The following CENPE variants were observed in gnomAD, a reference collection of about 807,000 sequenced individuals.
CENPE encodes the protein centromere protein E.
CENPE carries 145 observed loss-of-function variants against 336.1 expected under a neutral mutation model. The observed-to-expected ratio is 0.43, with a 90% CI of 0.38 to 0.50. CENPE has a LOEUF of 0.50. CENPE is among the 20% of genes least tolerant of loss of function. The pLI, the probability that CENPE is intolerant of heterozygous loss-of-function variation, is 0.00. For missense variants in CENPE, 2,719 were observed against 3,023.3 expected (o/e 0.90, Z 2.36); for synonymous variants, 1,013 against 984.8 (o/e 1.03, Z -0.54).
At chr4:103,186,109 T>C (rs1302692315) in intron 8 of CENPE, among the ~76,000 whole-genome samples, 1 of 152,176 alleles carries the variant, frequency 6.6e-6, no homozygotes, top group African/African-American at 2.4e-5. Flanking sequence ...AAAAACTTAC[T>C]ATGGCAAATA....
intron 2 of CENPE, 133 bp from the exon 3 acceptor site, chr4:103,196,385 G>C: frequency 1.4e-6 from 1 of 732,028 alleles, no homozygotes; most frequent in Non-Finnish European, 2.2e-6. Context: ...TTAAGACACA[G>C]TATTTTTTTC....
intron 41 of CENPE, 89 bp from the exon 42 acceptor site, chr4:103,132,985 A>ATATATATATATATATATATAG (rs1560610336): frequency 9.4e-6 from 1 of 105,936 alleles, no homozygotes; most frequent in Admixed American, 1.2e-4. Context: ...TATATATATA[A>ATATATATATATATATATATAG]AATAAAAAGA....
intron 24 of CENPE, among the ~76,000 whole-genome samples, chr4:103,154,043 GGAGACAGA>G (rs1753771788): frequency 6.6e-6 from 1 of 152,016 alleles, no homozygotes; most frequent in African/African-American, 2.4e-5. Flanking sequence ...ATTGGTAAAG[GGAGACAGA>G]GACTGAAATT....
intron 34 of CENPE, among the ~76,000 whole-genome samples, chr4:103,142,825 C>T (rs192910935): frequency 5.5e-4 from 83 of 151,808 alleles, no homozygotes; most frequent in African/African-American, 1.8e-3. Context: ...CTGGTCAACA[C>T]GGTGAAACCT....
At chr4:103,120,026 G>T (rs1427494264) in intron 44 of CENPE, 122 bp downstream of exon 44, 1 of 655,690 alleles carries the variant, frequency 1.5e-6, no homozygotes, top group Non-Finnish European at 2.5e-6. Flanking sequence ...CTGAACTTCA[G>T]AAACACATAG....
At chr4:103,109,146 T>C in intron 47 of CENPE, 57 bp from the exon 48 acceptor site, 2 of 1,306,980 alleles carry the variant, frequency 1.5e-6, no homozygotes, top group Admixed American at 2.5e-5. Context: ...TTAAGATGTA[T>C]TCACATTTAT....
In CENPE at chr4:103,139,735, A is replaced by G. The variant is rs1185984982; in HGVS notation, c.6204+54T>C. ...AATAAAAACATTGTAATTCTTTTCA[A>G]AAAAGCTTAATTCTTATTAATAGTT... On this transcript the variant is annotated intron_variant, in intron 38 of 48. Coordinates refer to ENST00000265148, the MANE Select transcript of CENPE (RefSeq NM_001813.3). The G allele has an allele frequency of 2.4e-5, 34 of 1,446,692 alleles. No individual in the cohort carries two copies. The East Asian group carries it at 6.7e-4, about 28-fold the overall frequency. 89.6% of individuals were successfully genotyped at this position (1,446,692 alleles called of 1,614,324 possible). A position where few individuals can be genotyped will look rare whatever the true frequency, so the allele number is the denominator to read the frequency against.
chr4:103,145,417 G>T (rs1001197837), intron 31 of CENPE, 83 bp from the exon 32 acceptor site: 30 of 1,375,428 alleles, frequency 2.2e-5, no homozygotes, highest in Non-Finnish European at 2.8e-5. Flanking sequence ...AGAGGAAAAG[G>T]TTGCTTCCCA....
At position 103,160,789 on chromosome 4, in the gene CENPE, T is replaced by C. The variant is rs770058478; in HGVS notation, c.2132-10A>G. The stretch of plus-strand genomic sequence containing the variant: ...AAATTACAGAGCAAATCTAGAAAGT[T>C]TTGGTAAATTGTATAAAGATCCAAT... On this transcript the variant is annotated splice_polypyrimidine_tract_variant and intron_variant, in intron 20 of 48. Transcript: ENST00000265148. 1.3e-6 allele frequency: 2 copies of C among 1,576,226 alleles called. No homozygotes were observed. Among genetic ancestry groups the C allele is most frequent in the Non-Finnish European group, 1.7e-6 (2 of 1,163,684 alleles).
intron 46 of CENPE, among the ~76,000 whole-genome samples, chr4:103,114,234 C>G (rs556593525): frequency 6.6e-6 from 1 of 152,140 alleles, no homozygotes; most frequent in Admixed American, 6.6e-5. Context: ...AAGCAGAGTT[C>G]GTATTTTTCA....
At chr4:103,144,952 A>T in intron 32 of CENPE, 98 bp downstream of exon 32, 1 of 1,150,222 alleles carries the variant, frequency 8.7e-7, no homozygotes. Flanking sequence ...TCCCTTTATG[A>T]TTAGAGGAAA....
chr4:103,138,560 T>C (rs1752272053), intron 38 of CENPE, 111 bp from the exon 39 acceptor site: 1 of 730,934 alleles, frequency 1.4e-6, no homozygotes, highest in African/African-American at 1.8e-5. Flanking sequence ...GAATTAAATA[T>C]TATACTTGTC....
chr4:103,164,625 T>C (rs1447963312), intron 16 of CENPE, among the ~76,000 whole-genome samples: 1 of 152,146 alleles, frequency 6.6e-6, no homozygotes, highest in African/African-American at 2.4e-5. Context: ...ATATCAAAAA[T>C]ATTTCTTCCA....
At chr4:103,132,416 A>C (rs535354147) in intron 42 of CENPE, among the ~76,000 whole-genome samples, 1 of 152,328 alleles carries the variant, frequency 6.6e-6, no homozygotes, top group South Asian at 2.1e-4. Context: ...GTTCTTACAG[A>C]AGCAGTGAGA....
intron 18 of CENPE, among the ~76,000 whole-genome samples, chr4:103,161,905 A>C (rs1402326098): frequency 3.3e-5 from 5 of 152,142 alleles, no homozygotes; most frequent in Admixed American, 3.3e-4. Flanking sequence ...AGAAACTTAC[A>C]GATGAGAAAA....
intron 16 of CENPE, 53 bp downstream of exon 16, chr4:103,174,683 A>G (rs1755704465): frequency 8.1e-7 from 1 of 1,241,926 alleles, no homozygotes; most frequent in African/African-American, 1.6e-5. Flanking sequence ...AAAAGAGAAT[A>G]CTTCTTTTAA....
rs1416785589 is a variant in CENPE at position 103,145,163 on chromosome 4, G to C, written c.4744C>G (p.Gln1582Glu). 1.9e-6 allele frequency: 3 copies of C among 1,612,142 alleles called. No homozygotes were observed. In the African/African-American group the frequency reaches 4.0e-5, roughly 22 times the overall value. The change falls in exon 32 of 49, where the codon CAA becomes GAA. Residue 1582 changes from glutamine to glutamate, a missense_variant. Around this residue, in one of 5 missense-constraint regions of CENPE, gnomAD observed 2,437 missense variants for 2,513.3 expected, o/e 0.97. Transcript: ENST00000265148. ...LELTNRLQES[Q>E]EEIQIMIKEK... is the part of the protein sequence containing the mutation. ...TTAATCATAATTTGTATTTCTTCTT[G>C]ACTTTCTTGAAGTCTGTTGGTCAAC...
chr4:103,182,338 C>T (rs1756394604), intron 11 of CENPE, among the ~76,000 whole-genome samples: 1 of 152,022 alleles, frequency 6.6e-6, no homozygotes, highest in South Asian at 2.1e-4. Context: ...AAAATGTAGG[C>T]CTTAGGCTCA....
rs1185360957 is a variant in CENPE, at chr4:103,108,813, G to A, written c.8001C>T (p.Gly2667=). The A allele has an allele frequency of 6.2e-7, 1 of 1,613,290 alleles. No homozygotes were observed. Among genetic ancestry groups the A allele is most frequent in the African/African-American group, 1.3e-5 (1 of 74,938 alleles). ...AGTATATTTACTTACCTGGACAAAGGCCTAAACTTGAGTTATCAAAATAGC... is the reference window on the plus strand; with the variant it reads ...AGTATATTTACTTACCTGGACAAAGACCTAAACTTGAGTTATCAAAATAGC... ...PVRYFDNSSL[G]LCPEVQNAGA... Residue 2667 remains glycine, a synonymous_variant, in exon 48 of 49, where the codon GGC becomes GGT. Transcript: ENST00000265148.
Sources: gnomAD v4.1 joint callset for allele counts (sites outside exome capture counted in the v4.1 genomes callset) on GRCh38, gnomAD v4.1.1 for gene constraint, gnomAD v4.1.1 regional missense constraint, MANE v1.5 for transcripts, NCBI Gene and HGNC (gene_info 2026-07-23, HGNC 2026-07-21) for gene names.